XAGE2: variants seen among roughly 807,000 people sequenced by gnomAD.
XAGE2 encodes the protein G antigen family D member 3.
In XAGE2, 7 loss-of-function variants were observed where a neutral mutation model predicts 9.9. The ratio of observed to expected loss-of-function variants is 0.71; its 90% CI spans 0.40 to 1.32. XAGE2 has a LOEUF of 1.32. Among genes scored for constraint, XAGE2 ranks in the 40% most tolerant of loss-of-function variants. The pLI is 0.01. For synonymous variants in XAGE2, 31 were observed against 26.8 expected, an observed-to-expected ratio of 1.16 and a Z score of -0.48; for missense variants, 85 against 81.0, an observed-to-expected ratio of 1.05 and a Z score of -0.19.
At chrX:52,374,617 A>G in intron 4 of XAGE2, among the ~76,000 whole-genome samples, 1 of 112,114 alleles carries the variant, frequency 8.9e-6, no homozygotes, top group Middle Eastern at 4.6e-3. Context: ...ATTATTAAAT[A>G]TATCCCAGTA....
intron 4 of XAGE2, 100 bp downstream of exon 4, chrX:52,372,769 G>T: frequency 9.5e-7 from 1 of 1,047,713 alleles, no homozygotes; most frequent in Non-Finnish European, 1.3e-6. Flanking sequence ...TTTAATAACA[G>T]TGTTCAAATA....
At chrX:52,374,889 TTCAA>T (rs1921277204) in intron 4 of XAGE2, among the ~76,000 whole-genome samples, 1 of 111,660 alleles carries the variant, frequency 9.0e-6, no homozygotes, top group African/African-American at 3.3e-5. Flanking sequence ...GGGGAATTTT[TTCAA>T]GTGTAAAAAG....
chrX:52,369,096 G>T lies in XAGE2; in HGVS notation c.-127G>T, dbSNP rs1272790369. 5.4e-5 allele frequency: 6 copies of T among 111,585 alleles called. No homozygotes were observed. Among genetic ancestry groups the T allele is most frequent in the African/African-American group, 2.0e-4 (6 of 30,542 alleles). The allele number at this position is 111,585 out of a possible 1,213,427, so 9.2% of individuals were successfully genotyped here. On this transcript the variant is annotated 5_prime_UTR_variant, in exon 1 of 5. Coordinates refer to ENST00000286049, the MANE Select transcript of XAGE2 (RefSeq NM_130777.3). ...TCTTCCCTTCGACCCCTTTGCCCAC[G>T]TGGTGACCGCTGGGGAGCTGTGAGA...
At chrX:52,372,452 T>C in intron 3 of XAGE2, 92 bp from the exon 4 acceptor site, 2 of 1,115,903 alleles carry the variant, frequency 1.8e-6, no homozygotes, top group Non-Finnish European at 2.5e-6. Context: ...TACAGGCTTT[T>C]ATGTCATAAC....
Position 52,370,563 on chromosome X carries a change from C to T in XAGE2, c.82-4C>T. ...GCACACATACTGCCTCCCCTTTGTC[C>T]CAGGAACCCACTGATGAAGAGCCTA... is the stretch of plus-strand genomic sequence containing the variant. On this transcript the variant is annotated splice_region_variant and splice_polypyrimidine_tract_variant and intron_variant, in intron 2 of 4. Coordinates refer to ENST00000286049, the MANE Select transcript of XAGE2 (RefSeq NM_130777.3). The T allele has an allele frequency of 8.3e-7, 1 of 1,209,236 alleles. No individual in the cohort carries two copies. Among genetic ancestry groups the T allele is most frequent in the African/African-American group, 1.7e-5 (1 of 57,688 alleles).
In XAGE2 at chrX:52,372,613, C is replaced by A; in HGVS notation, c.257C>A (p.Thr86Asn). Residue 86 changes from threonine to asparagine, a missense_variant, in exon 4 of 5, where the codon ACT (threonine) becomes AAT (asparagine). Coordinates refer to ENST00000286049, the MANE Select transcript of XAGE2 (RefSeq NM_130777.3). ...TKTGDGCEGG[T>N]DVKGKILPKA... ...ACTGGGGATGGATGTGAAGGTGGTACTGATGTCAAGGGGAAGATTCTACCA... is the reference window on the plus strand; with the variant it reads ...ACTGGGGATGGATGTGAAGGTGGTAATGATGTCAAGGGGAAGATTCTACCA... 1.7e-6 allele frequency: 2 copies of A among 1,211,293 alleles called. No homozygotes were observed. The highest frequency in any genetic ancestry group is 2.2e-6 in the Non-Finnish European group (2 of 895,132).
chrX:52,369,790 A>G (rs1031566173), intron 1 of XAGE2, among the ~76,000 whole-genome samples: 58 of 113,063 alleles, frequency 5.1e-4, no homozygotes, highest in African/African-American at 1.8e-3. Context: ...ATCTTTTGCC[A>G]GGAGCATTAA....
intron 1 of XAGE2, 61 bp from the exon 2 acceptor site, chrX:52,369,946 A>T: frequency 1.8e-6 from 2 of 1,095,396 alleles, no homozygotes; most frequent in Non-Finnish European, 1.3e-6. Flanking sequence ...TGGCCATGAA[A>T]GTGGTCAAAT....
chrX:52,375,578 A>T lies in XAGE2; in HGVS notation c.323A>T (p.Lys108Ile). Residue 108 changes from lysine to isoleucine, a missense_variant, in exon 5 of 5, where the codon AAA becomes ATA. Physicochemically the swap from Lys to Ile is moderately radical, Grantham distance 102. Transcript: ENST00000286049. ...TATGTTTCTATTACAGGTGAAGGGA[A>T]ATCACAGGTTTAAAGGAAGATAAGC... is the stretch of plus-strand genomic sequence containing the variant. ...HFKMPEAGEG[K>I]SQV is the part of the protein sequence containing the mutation. 9 of 1,206,508 alleles carry T rather than the reference A, an allele frequency of 7.5e-6. No homozygotes were observed. The highest frequency in any genetic ancestry group is 1.0e-5 in the Non-Finnish European group (9 of 891,997).
chrX:52,370,797 A>C, intron 3 of XAGE2, 125 bp downstream of exon 3: 3 of 647,683 alleles, frequency 4.6e-6, no homozygotes, highest in East Asian at 3.3e-5. Flanking sequence ...GCACTTGCTC[A>C]AAGTAGGCTG....
At position 52,370,374 on chromosome X, in the gene XAGE2, T is replaced by C. The variant is rs890340886; in HGVS notation, c.82-193T>C. On this transcript the variant is annotated intron_variant, in intron 2 of 4. Coordinates refer to ENST00000286049, the MANE Select transcript of XAGE2 (RefSeq NM_130777.3). Reference sequence around the variant, plus strand: ...AAATGGTTTCCAAAGCCTTTGAGGGTAACTGTCTTAGAGTAACCTCTCTTT... The same window carrying C: ...AAATGGTTTCCAAAGCCTTTGAGGGCAACTGTCTTAGAGTAACCTCTCTTT... Among the ~76,000 whole-genome samples the C allele has an allele frequency of 6.3e-3, 707 of 112,407 alleles. 3 individuals are homozygous for C. Among genetic ancestry groups the C allele is most frequent in the African/African-American group, 0.022 (669 of 30,950 alleles).
chrX:52,374,594 T>C (rs926331009), intron 4 of XAGE2, among the ~76,000 whole-genome samples: 2,734 of 112,012 alleles, frequency 0.024, 35 homozygotes, highest in Middle Eastern at 0.1. Context: ...GTTGATAAGC[T>C]AGGAATGCAT....
rs1001817154 is a variant in XAGE2, at chrX:52,375,477, C to T, written c.314-92C>T. 138 of 998,129 alleles carry T rather than the reference C, an allele frequency of 1.4e-4. 2 individuals are homozygous for T. The South Asian group carries it at 2.2e-3, about 16-fold the overall frequency. 82.3% of individuals were successfully genotyped at this position (998,129 alleles called of 1,213,427 possible). A position where few individuals can be genotyped will look rare whatever the true frequency, so the allele number is the denominator to read the frequency against. On this transcript the variant is annotated intron_variant, in intron 4 of 4. Transcript: ENST00000286049. ...GGGTTTATGGTCTTAGTCCACTGTA[C>T]GAAACAAAAACTTTGGTGTCATTTG...
chrX:52,371,863 G>GT (rs1380808723), intron 3 of XAGE2, among the ~76,000 whole-genome samples: 1 of 111,824 alleles, frequency 8.9e-6, no homozygotes, highest in Non-Finnish European at 1.9e-5. Flanking sequence ...TGTCACAATT[G>GT]TAAGTTTTTG....
intron 3 of XAGE2, 144 bp downstream of exon 3, chrX:52,370,816 A>T: frequency 5.5e-6 from 3 of 545,050 alleles, no homozygotes; most frequent in Non-Finnish European, 3.0e-6. Context: ...TGGAAAAGTG[A>T]AGAGTATAGT....
intron 3 of XAGE2, among the ~76,000 whole-genome samples, chrX:52,371,174 G>A (rs1921182212): frequency 8.9e-6 from 1 of 112,146 alleles, no homozygotes; most frequent in African/African-American, 3.2e-5. Flanking sequence ...GAACGCTTGA[G>A]TCATGGAGGC....
Position 52,369,941 on chromosome X carries a change from A to G in XAGE2, c.-8-66A>G, listed in dbSNP as rs964814762. The G allele has an allele frequency of 1.8e-3, 1,934 of 1,088,983 alleles. 22 individuals are homozygous for G. In the African/African-American group the frequency reaches 0.031, roughly 18 times the overall value. The allele number at this position is 1,088,983 out of a possible 1,213,427, so 89.7% of individuals were successfully genotyped here. On this transcript the variant is annotated intron_variant, in intron 1 of 4. Transcript: ENST00000286049. ...AAAAACTGAAATTTAACATTTGGCCATGAAAGTGGTCAAATACAGCTATCC... is the reference window on the plus strand; with the variant it reads ...AAAAACTGAAATTTAACATTTGGCCGTGAAAGTGGTCAAATACAGCTATCC...
chrX:52,369,866 C>A, intron 1 of XAGE2, 141 bp from the exon 2 acceptor site: 1 of 625,533 alleles, frequency 1.6e-6, no homozygotes, highest in Non-Finnish European at 2.7e-6. Context: ...AAGATGTACA[C>A]ACTTCTAGTT....
chrX:52,374,267 C>T (rs1046600403), intron 4 of XAGE2, among the ~76,000 whole-genome samples: 46 of 111,687 alleles, frequency 4.1e-4, no homozygotes, highest in Admixed American at 1.1e-3. Flanking sequence ...GACAGAGTCT[C>T]GCTCTGTCAC....
Sources: allele counts gnomAD v4.1 joint callset (sites outside exome capture counted in the v4.1 genomes callset), GRCh38; gene constraint gnomAD v4.1.1; transcripts MANE v1.5; gene names NCBI Gene and HGNC (gene_info 2026-07-23, HGNC 2026-07-21).